HDAC11: variants seen among roughly 807,000 people sequenced by gnomAD.
HDAC11 encodes histone deacetylase 11.
Under a neutral mutation model 41.1 loss-of-function variants are expected in HDAC11, and 23 were observed. The ratio of observed to expected loss-of-function variants is 0.56; its 90% CI spans 0.40 to 0.79. HDAC11 has a LOEUF of 0.79. Among genes scored for constraint, HDAC11 ranks in the 30% least tolerant of loss-of-function variants. The pLI, the probability that HDAC11 is intolerant of heterozygous loss-of-function variation, is 0.00. For missense variants in HDAC11, 402 were observed against 477.3 expected (o/e 0.84, Z 1.47); for synonymous variants, 187 against 186.6 (o/e 1.00, Z -0.02).
intron 3 of HDAC11, among the ~76,000 whole-genome samples, chr3:13,486,628 G>A (rs535377184): frequency 5.1e-5 from 7 of 136,390 alleles, no homozygotes; most frequent in East Asian, 2.3e-4. Flanking sequence ...GCCCAGGCTC[G>A]AGTACAGTGG....
rs1474691484 is a variant in HDAC11 at position 13,480,553 on chromosome 3, GGGACGCGCGCC to G, written c.2+207_2+217del. ...CCCGCGCCCCTGCTCGGTGGCCCGAGGGACGCGCGCCGGCCGCGGGCCTGGGCCCGGACCCG... is the reference window on the plus strand; with the variant it reads ...CCCGCGCCCCTGCTCGGTGGCCCGAGGGCCGCGGGCCTGGGCCCGGACCCG... On this transcript the variant is annotated intron_variant, in intron 1 of 9. Coordinates refer to ENST00000295757, the MANE Select transcript of HDAC11 (RefSeq NM_024827.4). The surrounding 1 kb of genome is among the most constrained non-coding windows in gnomAD (Gnocchi z 4.6). The G allele has an allele frequency of 3.2e-6, 1 of 313,704 alleles. No individual in the cohort carries two copies. The highest frequency in any genetic ancestry group is 6.0e-6 in the Non-Finnish European group (1 of 165,916). 19.4% of individuals were successfully genotyped at this position (313,704 alleles called of 1,614,324 possible).
At chr3:13,483,624 T>C in intron 3 of HDAC11, 60 bp downstream of exon 3, 2 of 1,383,582 alleles carry the variant, frequency 1.4e-6, no homozygotes, top group Non-Finnish European at 2.1e-6. Flanking sequence ...TGGCCAGGAG[T>C]GGCCAGAGGC....
chr3:13,492,728 G>A (rs1701922579), intron 3 of HDAC11, among the ~76,000 whole-genome samples: 1 of 152,070 alleles, frequency 6.6e-6, no homozygotes, highest in Non-Finnish European at 1.5e-5. Context: ...GTTTTTAATG[G>A]ACACCAGATT....
Position 13,504,791 on chromosome 3 carries a change from CAGGG to C in HDAC11, c.*109_*112del. ...GCAGCCTTCAGTGAGCATGGAGGGGCAGGGCCATCCCTGGCTGGGGCCTGGAGCT... is the reference window on the plus strand; with the variant it reads ...GCAGCCTTCAGTGAGCATGGAGGGGCCCATCCCTGGCTGGGGCCTGGAGCT... On this transcript the variant is annotated 3_prime_UTR_variant, in exon 10 of 10. Transcript: ENST00000295757. The C allele has an allele frequency of 1.0e-6, 1 of 972,422 alleles. No individual in the cohort carries two copies. Among genetic ancestry groups the C allele is most frequent in the Non-Finnish European group, 1.6e-6 (1 of 640,276 alleles). 60.2% of individuals were successfully genotyped at this position (972,422 alleles called of 1,614,324 possible).
intron 3 of HDAC11, among the ~76,000 whole-genome samples, chr3:13,490,469 A>G (rs935131299): frequency 3.9e-5 from 6 of 152,188 alleles, no homozygotes; most frequent in African/African-American, 1.4e-4. Flanking sequence ...CTTTCAATCC[A>G]TGAACATGGG....
intron 2 of HDAC11, 63 bp downstream of exon 2, chr3:13,481,457 C>T (rs1418702704): frequency 1.9e-6 from 3 of 1,571,656 alleles, no homozygotes; most frequent in Non-Finnish European, 2.6e-6. Flanking sequence ...TCTCCGTCCT[C>T]ATCCCCAACA....
rs1410676889 is a variant in HDAC11, at chr3:13,480,435, C to G, written c.2+86C>G. On this transcript the variant is annotated intron_variant, in intron 1 of 9. Transcript: ENST00000295757. The surrounding 1 kb of genome is among the most constrained non-coding windows in gnomAD (Gnocchi z 4.6). ...TAGGGCGAGGGCGGGGACGGCCGGG[C>G]GGGCGCGCCAGGTAAGGGCCCAGAT... 1 of 873,104 alleles carries G rather than the reference C, an allele frequency of 1.1e-6. No individual in the cohort carries two copies. Among genetic ancestry groups the G allele is most frequent in the African/African-American group, 1.8e-5 (1 of 56,362 alleles). The allele number at this position is 873,104 out of a possible 1,614,324, so 54.1% of individuals were successfully genotyped here.
intron 4 of HDAC11, 66 bp downstream of exon 4, chr3:13,496,918 T>C: frequency 1.2e-6 from 1 of 812,622 alleles, no homozygotes; most frequent in Non-Finnish European, 1.9e-6. Context: ...TCTCACCTCC[T>C]TTGCCCTGGA....
chr3:13,505,519 A>T lies in HDAC11; in HGVS notation c.*836A>T, dbSNP rs1280846547. ...GCTGACCCAGGTGGGGAGAGGGCAG[A>T]AGAAGGGTGGGGGACGTGGGCAGGC... is the stretch of plus-strand genomic sequence containing the variant. On this transcript the variant is annotated 3_prime_UTR_variant, in exon 10 of 10. Coordinates refer to ENST00000295757, the MANE Select transcript of HDAC11 (RefSeq NM_024827.4). The T allele has an allele frequency of 1.3e-5, 2 of 152,762 alleles. No homozygotes were observed. Among genetic ancestry groups the T allele is most frequent in the African/African-American group, 4.8e-5 (2 of 41,428 alleles). 9.5% of individuals were successfully genotyped at this position (152,762 alleles called of 1,614,324 possible). A position where few individuals can be genotyped will look rare whatever the true frequency, so the allele number is the denominator to read the frequency against.
intron 3 of HDAC11, among the ~76,000 whole-genome samples, chr3:13,485,991 G>T (rs1225073561): frequency 1.3e-5 from 1 of 79,900 alleles, no homozygotes; most frequent in Non-Finnish European, 3.7e-5. Context: ...AAGTAGGCCG[G>T]GTGCAGTGAC....
chr3:13,504,849 A>T lies in HDAC11; in HGVS notation c.*166A>T. ...CCTTCCTCTACTTTTCCCTGCTGGA[A>T]GCCAGAAGGGCTTGAGGCCTCTATG... On this transcript the variant is annotated 3_prime_UTR_variant, in exon 10 of 10. Coordinates refer to ENST00000295757, the MANE Select transcript of HDAC11 (RefSeq NM_024827.4). 1 of 665,368 alleles carries T rather than the reference A, an allele frequency of 1.5e-6. No individual in the cohort carries two copies. Among genetic ancestry groups the T allele is most frequent in the Non-Finnish European group, 2.6e-6 (1 of 385,562 alleles). 41.2% of individuals were successfully genotyped at this position (665,368 alleles called of 1,614,324 possible).
chr3:13,504,739 GT>G lies in HDAC11; in HGVS notation c.*60del. 6.7e-7 allele frequency: 1 copy of G among 1,492,466 alleles called. No homozygotes were observed. Among genetic ancestry groups the G allele is most frequent in the African/African-American group, 1.4e-5 (1 of 72,670 alleles). 92.5% of individuals were successfully genotyped at this position (1,492,466 alleles called of 1,614,324 possible). A position where few individuals can be genotyped will look rare whatever the true frequency, so the allele number is the denominator to read the frequency against. Reference sequence around the variant, plus strand: ...GCCTATCCGCCCCTTAGTGCTTTTTGTTTTCTAACCTCATGGGGTGGTGGAG... The same window carrying G: ...GCCTATCCGCCCCTTAGTGCTTTTTGTTTCTAACCTCATGGGGTGGTGGAG... On this transcript the variant is annotated 3_prime_UTR_variant, in exon 10 of 10. Coordinates refer to ENST00000295757, the MANE Select transcript of HDAC11 (RefSeq NM_024827.4).
rs1371092914 is a variant in HDAC11, at chr3:13,480,782, C to G, written c.2+433C>G. Reference sequence around the variant, plus strand: ...CCCCCGCCCTGGCTCAGGTTGGGTCCCGACTTGGGTTTCTGAGTGCTTACT... The same window carrying G: ...CCCCCGCCCTGGCTCAGGTTGGGTCGCGACTTGGGTTTCTGAGTGCTTACT... On this transcript the variant is annotated intron_variant, in intron 1 of 9. Coordinates refer to ENST00000295757, the MANE Select transcript of HDAC11 (RefSeq NM_024827.4). The surrounding 1 kb of genome is among the most constrained non-coding windows in gnomAD (Gnocchi z 4.6). The G allele has an allele frequency of 2.2e-6, 1 of 452,612 alleles. No individual in the cohort carries two copies. Among genetic ancestry groups the G allele is most frequent in the African/African-American group, 2.0e-5 (1 of 49,322 alleles). The allele number at this position is 452,612 out of a possible 1,614,324, so 28.0% of individuals were successfully genotyped here. A position where few individuals can be genotyped will look rare whatever the true frequency, so the allele number is the denominator to read the frequency against.
rs963837250 is a variant in HDAC11, at chr3:13,494,300, C to T, written c.253-2436C>T. On this transcript the variant is annotated intron_variant, in intron 3 of 9. Coordinates refer to ENST00000295757, the MANE Select transcript of HDAC11 (RefSeq NM_024827.4). The stretch of plus-strand genomic sequence containing the variant: ...TCAGCGGCTCGTTTGTTTGCTCATT[C>T]GTTCATGGAAAACCATGGTTCCATG... 9.1e-4 allele frequency among the ~76,000 whole-genome samples: 139 copies of T among 152,332 alleles called. 3 individuals carry two copies. Among genetic ancestry groups the T allele is most frequent in the Non-Finnish European group, 2.6e-4 (18 of 68,024 alleles).
chr3:13,498,677 TTCCCAAG>T, intron 5 of HDAC11, 122 bp downstream of exon 5: 3 of 1,105,622 alleles, frequency 2.7e-6, no homozygotes, highest in Non-Finnish European at 4.0e-6. Flanking sequence ...AGCTCTGGTT[TTCCCAAG>T]TCACCCTAGC....
chr3:13,487,054 T>C (rs1285066027), intron 3 of HDAC11, among the ~76,000 whole-genome samples: 1 of 152,122 alleles, frequency 6.6e-6, no homozygotes, highest in Non-Finnish European at 1.5e-5. Flanking sequence ...CACAAGGTCT[T>C]GCAGGCCGTG....
chr3:13,486,341 A>G (rs530799322), intron 3 of HDAC11, among the ~76,000 whole-genome samples: 34 of 151,566 alleles, frequency 2.2e-4, no homozygotes, highest in Non-Finnish European at 4.3e-4. Flanking sequence ...TTGAATGCCA[A>G]CTGTACAGAG....
At chr3:13,501,793 C>T (rs1191819183) in intron 6 of HDAC11, 78 bp from the exon 7 acceptor site, 1 of 1,383,458 alleles carries the variant, frequency 7.2e-7, no homozygotes, top group Non-Finnish European at 1.0e-6. Context: ...CGCCCCTCGC[C>T]AGCCAGCTGG....
In HDAC11 at chr3:13,481,360, C is replaced by A; in HGVS notation, c.117C>A (p.Ala39=). ...MGLEKLHPFD[A]GKWGKVINFL... ...TGGAGAAGCTGCATCCCTTTGATGC[C>A]GGAAAATGGGGCAAAGTGATCAATT... Residue 39 remains alanine (A), a synonymous_variant, in exon 2 of 10, where the codon GCC becomes GCA. Transcript: ENST00000295757. The A allele has an allele frequency of 6.2e-7, 1 of 1,613,986 alleles. No individual in the cohort carries two copies. Among genetic ancestry groups the A allele is most frequent in the Non-Finnish European group, 8.5e-7 (1 of 1,180,010 alleles).
Sources: allele counts gnomAD v4.1 joint callset (sites outside exome capture counted in the v4.1 genomes callset), GRCh38; gene constraint gnomAD v4.1.1; non-coding constraint Gnocchi (gnomAD v3.1); transcripts MANE v1.5; gene names NCBI Gene and HGNC (gene_info 2026-07-23, HGNC 2026-07-21).